Variants in SLC5A7 observed in about 807,000 individuals in gnomAD.
SLC5A7 encodes the protein solute carrier family 5 member 7.
Under a neutral mutation model 55.4 loss-of-function variants are expected in SLC5A7, and 19 were observed. The observed-to-expected ratio is 0.34, with a 90% confidence interval of 0.24 to 0.50. SLC5A7 has a LOEUF of 0.50. Ranked by LOEUF, SLC5A7 falls within the 20% of genes least tolerant of loss-of-function variation. The probability of loss-of-function intolerance (pLI) is 0.98; values close to 1 mark genes in which losing one functional copy is unlikely to be tolerated. For missense variants in SLC5A7, 506 were observed against 705.3 expected (o/e 0.72, Z 3.20); for synonymous variants, 265 against 263.7 (o/e 1.00, Z -0.05).
rs748852726 is a variant in SLC5A7, at chr2:108,004,442, ATT to A, written c.742-1606_742-1605del. On this transcript the variant is annotated intron_variant, in intron 6 of 8. Coordinates refer to ENST00000264047, the MANE Select transcript of SLC5A7 (RefSeq NM_021815.5). The stretch of plus-strand genomic sequence containing the variant: ...TTGTTATGGTATCTATGTTACAGAC[ATT>A]CTGCTTAGCCCAGGTGAGACCATGA... 8.6e-4 allele frequency among the ~76,000 whole-genome samples: 131 copies of A among 152,206 alleles called. 2 individuals are homozygous for A. The East Asian group carries it at 0.022, about 25-fold the overall frequency.
rs754914654 is a variant in SLC5A7 at position 107,992,193 on chromosome 2, T to C, written c.266T>C (p.Ile89Thr). 9.9e-6 allele frequency: 16 copies of C among 1,613,038 alleles called. No individual in the cohort carries two copies. Among genetic ancestry groups the C allele is most frequent in the East Asian group, 2.2e-5 (1 of 44,874 alleles). ...GGCCTAGCTTGGGCTCAGGCACCAA[T>C]TGGATATTCTCTTAGTCTGATTTTA... ...GYGLAWAQAP[I>T]GYSLSLILGG... is the part of the protein sequence containing the mutation. Residue 89 changes from isoleucine (I) to threonine (T), a missense_variant, in exon 3 of 9, where the codon ATT becomes ACT. By Grantham distance (89) the Ile-to-Thr change is moderately conservative (BLOSUM62 -1). This residue lies in a region of SLC5A7 where 309 missense variants were observed against 478.6 expected (regional missense o/e 0.65). Coordinates refer to ENST00000264047, the MANE Select transcript of SLC5A7 (RefSeq NM_021815.5).
chr2:107,994,253 G>A (rs17269272), intron 4 of SLC5A7, among the ~76,000 whole-genome samples: 4 of 152,108 alleles, frequency 2.6e-5, no homozygotes, highest in Non-Finnish European at 4.4e-5. Context: ...GACTGTTGCC[G>A]AAACAAGAGT....
chr2:108,009,586 G>C (rs1678238901), intron 8 of SLC5A7, among the ~76,000 whole-genome samples: 1 of 152,100 alleles, frequency 6.6e-6, no homozygotes. Context: ...TCCTGTGCTA[G>C]TTTGCTGAGG....
intron 2 of SLC5A7, among the ~76,000 whole-genome samples, chr2:107,989,015 T>C (rs1677346614): frequency 6.6e-6 from 1 of 152,272 alleles, no homozygotes; most frequent in East Asian, 1.9e-4. Context: ...TCATCTCTCA[T>C]TCAAACCTTC....
chr2:108,006,320 T>TATC, intron 7 of SLC5A7, 118 bp downstream of exon 7: 1 of 1,120,704 alleles, frequency 8.9e-7, no homozygotes, highest in Non-Finnish European at 1.3e-6. Flanking sequence ...ACCACATTCA[T>TATC]ATCTATAGAT....
chr2:107,991,049 A>G (rs190305860), intron 2 of SLC5A7, among the ~76,000 whole-genome samples: 3 of 152,334 alleles, frequency 2.0e-5, no homozygotes, highest in Non-Finnish European at 4.4e-5. Flanking sequence ...GCAAAGATTT[A>G]GTGTCCTCTT....
intron 5 of SLC5A7, among the ~76,000 whole-genome samples, chr2:107,998,199 G>T (rs1188215452): frequency 4.6e-5 from 7 of 152,120 alleles, no homozygotes; most frequent in African/African-American, 1.7e-4. Context: ...CTCTCCATTG[G>T]ACTGTTAGAA....
In SLC5A7 at chr2:107,988,346, G is replaced by A; in HGVS notation, c.178+13G>A. 6.2e-7 allele frequency: 1 copy of A among 1,602,314 alleles called. No individual in the cohort carries two copies. Among genetic ancestry groups the A allele is most frequent in the Non-Finnish European group, 8.5e-7 (1 of 1,171,176 alleles). On this transcript the variant is annotated intron_variant, in intron 2 of 8. Coordinates refer to ENST00000264047, the MANE Select transcript of SLC5A7 (RefSeq NM_021815.5). ...TTTACCATGACAGGTACGTTCAGAC[G>A]CCGCCGGCTCCATGCAGTCCTCCCT...
intron 7 of SLC5A7, among the ~76,000 whole-genome samples, chr2:108,007,068 A>C (rs1199863505): frequency 6.6e-6 from 1 of 152,196 alleles, no homozygotes; most frequent in Non-Finnish European, 1.5e-5. Context: ...CTTTAATTTA[A>C]TTAAATGTAT....
intron 2 of SLC5A7, among the ~76,000 whole-genome samples, chr2:107,988,743 C>T (rs772472116): frequency 1.3e-5 from 2 of 152,126 alleles, no homozygotes; most frequent in Non-Finnish European, 2.9e-5. Flanking sequence ...AAAGTTGTGA[C>T]TTTGAGATTT....
chr2:108,001,757 C>T (rs1240474797), intron 5 of SLC5A7, 140 bp from the exon 6 acceptor site: 1 of 710,116 alleles, frequency 1.4e-6, no homozygotes, highest in Non-Finnish European at 2.2e-6. Flanking sequence ...CAACAAAAAA[C>T]AGAGAACATG....
At chr2:107,994,525 A>G (rs1677589133) in intron 4 of SLC5A7, among the ~76,000 whole-genome samples, 3 of 152,086 alleles carry the variant, frequency 2.0e-5, no homozygotes, top group South Asian at 4.1e-4. Flanking sequence ...GGCAGAGCTT[A>G]CAGTGAGCTG....
At chr2:107,991,291 A>G (rs1042777391) in intron 2 of SLC5A7, among the ~76,000 whole-genome samples, 1 of 152,204 alleles carries the variant, frequency 6.6e-6, no homozygotes, top group African/African-American at 2.4e-5. Context: ...CTTGTCAAAT[A>G]GTAAATATCT....
chr2:108,000,576 G>T (rs1013217191), intron 5 of SLC5A7, among the ~76,000 whole-genome samples: 1 of 152,114 alleles, frequency 6.6e-6, no homozygotes, highest in Non-Finnish European at 1.5e-5. Flanking sequence ...ACGATTATAG[G>T]CATGAGCCAC....
chr2:108,005,158 A>G (rs1341528443), intron 6 of SLC5A7, among the ~76,000 whole-genome samples: 1 of 152,208 alleles, frequency 6.6e-6, no homozygotes, highest in East Asian at 1.9e-4. Flanking sequence ...AGTATTTATT[A>G]TTTGATGCCG....
chr2:107,992,848 G>T, intron 3 of SLC5A7, 124 bp from the exon 4 acceptor site: 2 of 973,380 alleles, frequency 2.1e-6, no homozygotes, highest in Non-Finnish European at 3.1e-6. Context: ...ACTGTGTGCA[G>T]ACTTGTTCCT....
intron 5 of SLC5A7, among the ~76,000 whole-genome samples, chr2:108,001,398 G>T (rs1677888629): frequency 6.6e-6 from 1 of 152,144 alleles, no homozygotes; most frequent in Non-Finnish European, 1.5e-5. Flanking sequence ...ATGTGGCCGG[G>T]CGCGGTGGCT....
chr2:107,996,751 A>G (rs1229489309), intron 4 of SLC5A7, among the ~76,000 whole-genome samples: 1 of 152,186 alleles, frequency 6.6e-6, no homozygotes, highest in East Asian at 1.9e-4. Context: ...ACAATAAACA[A>G]TGTTATAAAG....
At chr2:107,991,670 A>C (rs567998197) in intron 2 of SLC5A7, among the ~76,000 whole-genome samples, 116 of 152,218 alleles carry the variant, frequency 7.6e-4, no homozygotes, top group African/African-American at 2.8e-3. Context: ...ATACAAGTAA[A>C]ATGGAAGGGC....
Sources: allele counts gnomAD v4.1 joint callset (sites outside exome capture counted in the v4.1 genomes callset), GRCh38; gene constraint gnomAD v4.1.1; regional missense constraint gnomAD v4.1.1; transcripts MANE v1.5; gene names NCBI Gene and HGNC (gene_info 2026-07-23, HGNC 2026-07-21).